CADM2: variants seen among roughly 807,000 people sequenced by gnomAD.
CADM2 encodes the protein cell adhesion molecule 2, also known as immunoglobulin superfamily member 4D.
CADM2 carries 12 observed loss-of-function variants against 49.8 expected under a neutral mutation model. That is an observed-to-expected ratio of 0.24 (90% confidence interval 0.15 to 0.39). CADM2 has a LOEUF of 0.39. CADM2 is among the 10% of genes least tolerant of loss of function. The probability of loss-of-function intolerance (pLI) is 1.00; values close to 1 mark genes in which losing one functional copy is unlikely to be tolerated. For missense variants in CADM2, 378 were observed against 492.3 expected, an observed-to-expected ratio of 0.77 and a Z score of 2.20; for synonymous variants, 214 against 175.4, an observed-to-expected ratio of 1.22 and a Z score of -1.74.
At chr3:85,829,021 C>G (rs1264249675) in intron 3 of CADM2, among the ~76,000 whole-genome samples, 1 of 151,886 alleles carries the variant, frequency 6.6e-6, no homozygotes, top group Admixed American at 6.6e-5. Context: ...CATAAGTATA[C>G]TTTAGTGTCT....
At chr3:85,390,820 G>A (rs2034482416) in intron 1 of CADM2, among the ~76,000 whole-genome samples, 1 of 151,936 alleles carries the variant, frequency 6.6e-6, no homozygotes, top group East Asian at 1.9e-4. Flanking sequence ...GTGAATTCCT[G>A]TACATGCCAG....
chr3:85,687,177 AT>A lies in CADM2; in HGVS notation c.62-39338del, dbSNP rs904890037. Among the ~76,000 whole-genome samples, 40 of 152,324 alleles carry A rather than the reference AT, an allele frequency of 2.6e-4. No individual in the cohort carries two copies. The South Asian group carries it at 2.9e-3, about 11-fold the overall frequency. ...AATTAAATAGGTCGTATGTCACAAA[AT>A]TTTTTTAACTGACAATTACATTTAA... On this transcript the variant is annotated intron_variant, in intron 1 of 9. Coordinates refer to ENST00000383699, the MANE Select transcript of CADM2 (RefSeq NM_001167675.2).
chr3:85,271,302 TGA>T (rs56730325), intron 1 of CADM2, among the ~76,000 whole-genome samples: 10,002 of 151,402 alleles, frequency 0.066, 1,074 homozygotes, highest in African/African-American at 0.23. Context: ...GAAATAAATA[TGA>T]GTTTACTGTA....
chr3:85,134,765 A>G (rs60462398), intron 1 of CADM2, among the ~76,000 whole-genome samples: 7,433 of 152,086 alleles, frequency 0.049, 253 homozygotes, highest in East Asian at 0.14. Flanking sequence ...AATATAAGAG[A>G]TTTGCTATAT....
At chr3:84,970,059 T>TTC (rs1183507969) in intron 1 of CADM2, among the ~76,000 whole-genome samples, 1 of 149,524 alleles carries the variant, frequency 6.7e-6, no homozygotes, top group African/African-American at 2.5e-5. Flanking sequence ...TTTTTTTTTT[T>TTC]TTTTTTTTAC....
At chr3:85,200,975 A>T (rs2041484069) in intron 1 of CADM2, among the ~76,000 whole-genome samples, 1 of 152,168 alleles carries the variant, frequency 6.6e-6, no homozygotes, top group African/African-American at 2.4e-5. Context: ...CTTACTTTAC[A>T]TGTGCATAAT....
chr3:85,577,466 T>C (rs1282875883), intron 1 of CADM2, among the ~76,000 whole-genome samples: 1 of 152,150 alleles, frequency 6.6e-6, no homozygotes, highest in Non-Finnish European at 1.5e-5. Context: ...CCTTCTGCCA[T>C]GCAGCAAGAA....
chr3:85,961,469 G>T lies in CADM2; in HGVS notation c.792G>T (p.Leu264=). 1 of 1,587,522 alleles carries T rather than the reference G, an allele frequency of 6.3e-7. No individual in the cohort carries two copies. Among genetic ancestry groups the T allele is most frequent in the South Asian group, 1.1e-5 (1 of 88,144 alleles). ...CTACATGCATGTTTCAATCCAATAG[G>T]CCAGAACCTGTTTTGTGGACAAAGG... ...ILTCESKGKP[L]PEPVLWTKDG... is the part of the protein sequence containing the mutation. Residue 264 remains leucine (L), a splice_region_variant and synonymous_variant, in exon 8 of 10, where the codon CTG becomes CTT. Coordinates refer to ENST00000383699, the MANE Select transcript of CADM2 (RefSeq NM_001167675.2).
intron 3 of CADM2, among the ~76,000 whole-genome samples, chr3:85,870,901 A>G (rs2075903218): frequency 6.6e-6 from 1 of 152,332 alleles, no homozygotes; most frequent in East Asian, 1.9e-4. Flanking sequence ...CTCAAGATGG[A>G]TTAAAGGCTT....
chr3:85,274,441 A>G (rs1310909507), intron 1 of CADM2, among the ~76,000 whole-genome samples: 2 of 148,692 alleles, frequency 1.3e-5, no homozygotes, highest in Admixed American at 6.7e-5. Flanking sequence ...TGTAGCAGAG[A>G]GCAGCAACCT....
Position 85,652,868 on chromosome 3 carries a change from C to G in CADM2, c.62-73654C>G, listed in dbSNP as rs572973005. Among the ~76,000 whole-genome samples the G allele has an allele frequency of 3.0e-5, 4 of 133,950 alleles. No individual in the cohort carries two copies. The South Asian group carries it at 1.0e-3, about 34-fold the overall frequency. The allele number at this position is 133,950 out of a possible 152,430, so 87.9% of individuals were successfully genotyped here. ...TCTCGGTTCACTGTAACCTGTGCCT[C>G]CCGGGTTCAAGTGATTCTCCTGCCT... On this transcript the variant is annotated intron_variant, in intron 1 of 9. Transcript: ENST00000383699.
chr3:85,674,388 A>C (rs1053443096), intron 1 of CADM2, among the ~76,000 whole-genome samples: 6 of 152,086 alleles, frequency 3.9e-5, no homozygotes, highest in Admixed American at 2.0e-4. Context: ...AGAATGATTT[A>C]TTTGGTTTTA....
At chr3:85,581,516 C>T (rs965330160) in intron 1 of CADM2, among the ~76,000 whole-genome samples, 4 of 151,358 alleles carry the variant, frequency 2.6e-5, no homozygotes, top group Admixed American at 1.3e-4. Context: ...AGAAATCATG[C>T]TTCAAGCTAT....
chr3:85,421,748 G>A (rs140685231), intron 1 of CADM2, among the ~76,000 whole-genome samples: 27 of 152,282 alleles, frequency 1.8e-4, no homozygotes, highest in African/African-American at 3.9e-4. Flanking sequence ...ATTGCTGTCT[G>A]TAGATTTTTG....
At chr3:85,833,894 A>C (rs1361377023) in intron 3 of CADM2, among the ~76,000 whole-genome samples, 1 of 151,598 alleles carries the variant, frequency 6.6e-6, no homozygotes, top group Non-Finnish European at 1.5e-5. Flanking sequence ...CCATCTGTTA[A>C]AAATGCCATT....
intron 1 of CADM2, among the ~76,000 whole-genome samples, chr3:85,206,889 T>C (rs1307571289): frequency 5.3e-5 from 8 of 152,058 alleles, no homozygotes; most frequent in Non-Finnish European, 2.9e-5. Context: ...TTAAACTTCA[T>C]AATTATAATA....
At chr3:85,397,456 T>C (rs558606058) in intron 1 of CADM2, among the ~76,000 whole-genome samples, 20 of 152,252 alleles carry the variant, frequency 1.3e-4, no homozygotes, top group African/African-American at 4.8e-4. Context: ...TTGTTCACAA[T>C]AGTCCAAAGA....
At chr3:85,394,940 C>T (rs1473349963) in intron 1 of CADM2, among the ~76,000 whole-genome samples, 1 of 152,076 alleles carries the variant, frequency 6.6e-6, no homozygotes, top group African/African-American at 2.4e-5. Context: ...TTGATCTTCA[C>T]AAAACTTTTC....
rs201022911 is a variant in CADM2 at position 85,145,775 on chromosome 3, A to C, written c.61+186107A>C. ...GTATCATTTGCTAATATTTGTATAC[A>C]TTTAAAAATAGGACTTTTCAAAATA... On this transcript the variant is annotated intron_variant, in intron 1 of 9. Transcript: ENST00000383699. Among the ~76,000 whole-genome samples the C allele has an allele frequency of 8.5e-5, 13 of 152,272 alleles. No individual in the cohort carries two copies. In the East Asian group the frequency reaches 2.5e-3, roughly 29 times the overall value.
Sources: gnomAD v4.1 joint callset for allele counts (sites outside exome capture counted in the v4.1 genomes callset) on GRCh38, gnomAD v4.1.1 for gene constraint, MANE v1.5 for transcripts, NCBI Gene and HGNC (gene_info 2026-07-23, HGNC 2026-07-21) for gene names.